Variants in ANKRD30BL observed in about 807,000 individuals in gnomAD.
ANKRD30BL encodes the protein putative ankyrin repeat domain-containing protein 30B-like.
In ANKRD30BL, 20 loss-of-function variants were observed where a neutral mutation model predicts 18.4. The ratio of observed to expected loss-of-function variants is 1.09; its 90% CI spans 0.77 to 1.58. ANKRD30BL has a LOEUF of 1.58. Among genes scored for constraint, ANKRD30BL ranks in the 40% most tolerant of loss-of-function variants. The pLI is 0.00. For missense variants in ANKRD30BL, 224 were observed against 268.6 expected (o/e 0.83, Z 1.16); for synonymous variants, 72 against 100.9 (o/e 0.71, Z 1.72).
chr2:132,205,385 C>T lies in ANKRD30BL; in HGVS notation n.442-48239G>A, dbSNP rs199558316. ...CAGCACTTTGGGAGGCCGAGGCGGG[C>T]GGATCACCTGAGGTGAGACCAGCCT... On this transcript the variant is annotated intron_variant and non_coding_transcript_variant, in intron 1 of 4. Transcript: ENST00000470729. Among the ~76,000 whole-genome samples the T allele has an allele frequency of 1.1e-3, 158 of 142,390 alleles. 1 individual carries two copies. The highest frequency in any genetic ancestry group is 3.5e-3 in the Middle Eastern group (1 of 288). 93.4% of individuals were successfully genotyped at this position (142,390 alleles called of 152,430 possible).
intron 4 of ANKRD30BL, among the ~76,000 whole-genome samples, chr2:132,151,259 CTAGCA>C (rs1663405903): frequency 6.6e-6 from 1 of 152,064 alleles, no homozygotes; most frequent in South Asian, 2.1e-4. Context: ...GGAATAAGTC[CTAGCA>C]TGGCTACCAA....
At chr2:132,164,269 C>T (rs148367969), upstream of ANKRD30BL, among the ~76,000 whole-genome samples, 3 of 112,210 alleles carry the variant, frequency 2.7e-5, no homozygotes, top group South Asian at 3.1e-4. Flanking sequence ...TTTTCTTTTT[C>T]TTTTTTTTTT....
In ANKRD30BL at chr2:132,161,914, A is replaced by T; in HGVS notation, c.-209T>A. On this transcript the variant is annotated 5_prime_UTR_variant, in exon 1 of 6. Coordinates refer to ENST00000409867, the MANE Select transcript of ANKRD30BL (RefSeq NM_001358416.1). ...AGGCAGCTGAGCAGAACCGTTAGGC[A>T]CCTGAGCAGAACCTTTAGGCAGCTG... 1.8e-6 allele frequency: 1 copy of T among 566,806 alleles called. No individual in the cohort carries two copies. The highest frequency in any genetic ancestry group is 3.2e-6 in the Non-Finnish European group (1 of 315,162). The allele number at this position is 566,806 out of a possible 1,614,324, so 35.1% of individuals were successfully genotyped here. A position where few individuals can be genotyped will look rare whatever the true frequency, so the allele number is the denominator to read the frequency against.
chr2:132,219,093 C>T (rs1415204222), intron 1 of ANKRD30BL, among the ~76,000 whole-genome samples: 1 of 151,272 alleles, frequency 6.6e-6, no homozygotes, highest in African/African-American at 2.4e-5. Context: ...GCAGAATCTG[C>T]AAGTGGACAT....
chr2:132,214,050 T>C (rs62164446), intron 1 of ANKRD30BL, among the ~76,000 whole-genome samples: 62 of 142,860 alleles, frequency 4.3e-4, no homozygotes, highest in African/African-American at 1.5e-3. Context: ...ATTCATCTCA[T>C]AGAGTTGAAC....
intron 4 of ANKRD30BL, among the ~76,000 whole-genome samples, chr2:132,151,930 C>A (rs571464148): frequency 6.6e-6 from 1 of 152,080 alleles, no homozygotes; most frequent in Non-Finnish European, 1.5e-5. Context: ...ACCAACAAAT[C>A]TTTGTTAGAA....
intron 1 of ANKRD30BL, among the ~76,000 whole-genome samples, chr2:132,195,966 C>G (rs1384602386): frequency 6.6e-6 from 1 of 150,394 alleles, no homozygotes; most frequent in African/African-American, 2.4e-5. Flanking sequence ...ACAGTGAAAC[C>G]CTCTCTCTAC....
At chr2:132,177,951 T>C (rs1178029894) in intron 1 of ANKRD30BL, among the ~76,000 whole-genome samples, 1 of 152,226 alleles carries the variant, frequency 6.6e-6, no homozygotes, top group Non-Finnish European at 1.5e-5. Flanking sequence ...TAATGTTACC[T>C]ATAACTAGCA....
intron 1 of ANKRD30BL, among the ~76,000 whole-genome samples, chr2:132,248,565 T>A (rs1476188772): frequency 1.3e-5 from 2 of 152,144 alleles, no homozygotes; most frequent in Non-Finnish European, 2.9e-5. Context: ...GATGCACATA[T>A]CACAAAGAAG....
rs950673271 is a variant in ANKRD30BL, at chr2:132,194,075, TCA to T, written n.442-36931_442-36930del. 2.7e-4 allele frequency among the ~76,000 whole-genome samples: 37 copies of T among 139,220 alleles called. 1 individual carries two copies. The highest frequency in any genetic ancestry group is 2.1e-3 in the East Asian group (10 of 4,814). The allele number at this position is 139,220 out of a possible 152,430, so 91.3% of individuals were successfully genotyped here. ...CTCTCTCACACACACACACACACAC[TCA>T]CACACACACACACACTCCCCACTCC... On this transcript the variant is annotated intron_variant and non_coding_transcript_variant, in intron 1 of 4. Coordinates refer to the ANKRD30BL transcript ENST00000470729.
intron 1 of ANKRD30BL, among the ~76,000 whole-genome samples, chr2:132,208,564 C>A (rs1235542913): frequency 2.0e-5 from 3 of 152,050 alleles, no homozygotes; most frequent in East Asian, 1.9e-4. Context: ...AATAGTTATA[C>A]TTCTACAGCT....
At chr2:132,199,188 C>T (rs149465434) in intron 1 of ANKRD30BL, among the ~76,000 whole-genome samples, 1,824 of 151,870 alleles carry the variant, frequency 0.012, 9 homozygotes, top group Non-Finnish European at 0.017. Context: ...CATCTCTACT[C>T]AAAAAATAAA....
At chr2:132,245,295 A>T (rs1025434145) in intron 1 of ANKRD30BL, among the ~76,000 whole-genome samples, 4 of 152,386 alleles carry the variant, frequency 2.6e-5, no homozygotes, top group African/African-American at 9.6e-5. Flanking sequence ...AGACAGAAGC[A>T]TTCTCAGAAA....
At chr2:132,174,288 A>T (rs1688327516) in intron 1 of ANKRD30BL, among the ~76,000 whole-genome samples, 1 of 152,192 alleles carries the variant, frequency 6.6e-6, no homozygotes. Flanking sequence ...GTGGCTACAA[A>T]CTAGTATTAG....
chr2:132,219,122 T>A (rs1261372598), intron 1 of ANKRD30BL, among the ~76,000 whole-genome samples: 1 of 151,970 alleles, frequency 6.6e-6, no homozygotes, highest in African/African-American at 2.4e-5. Context: ...CCTTGAGGCC[T>A]ATGGTGGAAA....
chr2:132,205,278 C>G (rs978362058), intron 1 of ANKRD30BL, among the ~76,000 whole-genome samples: 8 of 152,028 alleles, frequency 5.3e-5, no homozygotes, highest in Non-Finnish European at 1.5e-5. Context: ...AGTACTTACA[C>G]AGTGGACGTG....
At chr2:132,218,208 C>T (rs200462847) in intron 1 of ANKRD30BL, among the ~76,000 whole-genome samples, 2 of 152,264 alleles carry the variant, frequency 1.3e-5, no homozygotes, top group African/African-American at 4.8e-5. Context: ...TTTGATACAG[C>T]AGCTTTGAAA....
At chr2:132,249,444 C>T (rs865830334) in intron 1 of ANKRD30BL, among the ~76,000 whole-genome samples, 114 of 152,004 alleles carry the variant, frequency 7.5e-4, no homozygotes, top group African/African-American at 2.6e-3. Context: ...TTCTCAGAAA[C>T]CTTCTTTCTA....
chr2:132,209,708 C>A (rs1424869957), intron 1 of ANKRD30BL, among the ~76,000 whole-genome samples: 6 of 152,048 alleles, frequency 3.9e-5, no homozygotes, highest in Non-Finnish European at 5.9e-5. Context: ...TACACAGAAG[C>A]GTTCTGAGAA....
Sources: allele counts gnomAD v4.1 joint callset (sites outside exome capture counted in the v4.1 genomes callset), GRCh38; gene constraint gnomAD v4.1.1; transcripts MANE v1.5; gene names NCBI Gene and HGNC (gene_info 2026-07-23, HGNC 2026-07-21).